The following CDKAL1 variants were observed in gnomAD, a reference collection of about 807,000 sequenced individuals.
The protein encoded by CDKAL1 is CDKAL1 threonylcarbamoyladenosine tRNA methylthiotransferase.
A neutral mutation model predicts 68.2 loss-of-function variants in CDKAL1; 32 were observed. The observed-to-expected ratio is 0.47, with a 90% CI of 0.35 to 0.63. The LOEUF is 0.63. CDKAL1 is among the 30% of genes least tolerant of loss of function. CDKAL1 has a pLI of 0.00. For synonymous variants in CDKAL1, 234 were observed against 244.3 expected (o/e 0.96, Z 0.39); for missense variants, 606 against 696.7 (o/e 0.87, Z 1.47).
At position 20,786,494 on chromosome 6, in the gene CDKAL1, C is replaced by CTT. The variant is rs1197574844; in HGVS notation, c.638+5249_638+5250dup. 6.4e-3 allele frequency among the ~76,000 whole-genome samples: 520 copies of CTT among 80,778 alleles called. 15 individuals carry two copies. Among genetic ancestry groups the CTT allele is most frequent in the Middle Eastern group, 0.01 (1 of 98 alleles). The allele number at this position is 80,778 out of a possible 152,430, so 53.0% of individuals were successfully genotyped here. A position where few individuals can be genotyped will look rare whatever the true frequency, so the allele number is the denominator to read the frequency against. On this transcript the variant is annotated intron_variant, in intron 8 of 15. Transcript: ENST00000274695. Reference sequence around the variant, plus strand: ...GTGTGACTCCCTTATTTTTTCTTATCTTTTTTTTTTTTTTTTTTTTTGAGA... The same window carrying CTT: ...GTGTGACTCCCTTATTTTTTCTTATCTTTTTTTTTTTTTTTTTTTTTTTGAGA...
intron 12 of CDKAL1, among the ~76,000 whole-genome samples, chr6:21,073,837 TTTATTTTGTTTA>T (rs150286482): frequency 0.045 from 6,818 of 152,218 alleles, 193 homozygotes; most frequent in South Asian, 0.11. Flanking sequence ...TTTTTGTTTA[TTTATTTTGTTTA>T]TTATTTTGTT....
At chr6:20,938,812 T>A (rs1342600293) in intron 9 of CDKAL1, among the ~76,000 whole-genome samples, 1 of 152,188 alleles carries the variant, frequency 6.6e-6, no homozygotes, top group Non-Finnish European at 1.5e-5. Flanking sequence ...GATTGTGTAC[T>A]TTCTACTCCA....
At chr6:21,125,999 A>T (rs572782678) in intron 13 of CDKAL1, among the ~76,000 whole-genome samples, 2 of 152,348 alleles carry the variant, frequency 1.3e-5, no homozygotes, top group South Asian at 2.1e-4. Flanking sequence ...CACATAACAG[A>T]TGTTCAATCA....
intron 9 of CDKAL1, among the ~76,000 whole-genome samples, chr6:20,883,113 C>T (rs1760904602): frequency 6.6e-6 from 1 of 152,064 alleles, no homozygotes. Flanking sequence ...ACTTTAAGTA[C>T]TGCTATGAGT....
At chr6:21,086,831 A>G (rs754645596) in intron 12 of CDKAL1, among the ~76,000 whole-genome samples, 5 of 152,228 alleles carry the variant, frequency 3.3e-5, no homozygotes, top group Admixed American at 1.3e-4. Context: ...AGAAAAACAG[A>G]ATGAAAACTT....
At chr6:20,672,509 G>A (rs1289143373) in intron 5 of CDKAL1, among the ~76,000 whole-genome samples, 1 of 150,174 alleles carries the variant, frequency 6.7e-6, no homozygotes, top group Non-Finnish European at 1.5e-5. Flanking sequence ...TAGCCACCAT[G>A]CCTGGCTAAT....
At chr6:21,043,901 C>T (rs1385212701) in intron 11 of CDKAL1, among the ~76,000 whole-genome samples, 1 of 152,072 alleles carries the variant, frequency 6.6e-6, no homozygotes, top group African/African-American at 2.4e-5. Context: ...GTTTTGCCAC[C>T]CCAGTTTTCT....
At chr6:20,638,381 T>C (rs2127748561) in intron 4 of CDKAL1, among the ~76,000 whole-genome samples, 1 of 152,340 alleles carries the variant, frequency 6.6e-6, no homozygotes, top group Non-Finnish European at 1.5e-5. Flanking sequence ...TGCCCGTTTT[T>C]TTCTATTAGC....
At chr6:21,018,165 C>A (rs997654032) in intron 11 of CDKAL1, among the ~76,000 whole-genome samples, 1 of 152,128 alleles carries the variant, frequency 6.6e-6, no homozygotes, top group African/African-American at 2.4e-5. Flanking sequence ...TTTACACCTT[C>A]CTCAAAACAA....
rs1416265291 is a variant in CDKAL1 at position 21,198,174 on chromosome 6, G to C, written c.1383+70G>C. ...AGAGTTCTGAAAGTTTAAGCAAAGG[G>C]CATTTAAAGGGGAGAGTGTTGAATC... On this transcript the variant is annotated intron_variant, in intron 14 of 15. Transcript: ENST00000274695. 3.0e-5 allele frequency: 30 copies of C among 996,130 alleles called. No individual in the cohort carries two copies. In the South Asian group the frequency reaches 3.4e-4, roughly 11 times the overall value. 61.7% of individuals were successfully genotyped at this position (996,130 alleles called of 1,614,324 possible). A position where few individuals can be genotyped will look rare whatever the true frequency, so the allele number is the denominator to read the frequency against.
At chr6:20,704,003 C>T (rs1007213035) in intron 5 of CDKAL1, among the ~76,000 whole-genome samples, 21 of 152,148 alleles carry the variant, frequency 1.4e-4, no homozygotes, top group African/African-American at 4.6e-4. Flanking sequence ...GTTTTGAGAG[C>T]ATTTGAAAAG....
At chr6:20,748,718 T>C (rs1357934009) in intron 6 of CDKAL1, among the ~76,000 whole-genome samples, 4 of 151,370 alleles carry the variant, frequency 2.6e-5, no homozygotes, top group African/African-American at 7.3e-5. Context: ...CTGAAGTTTT[T>C]TCAACAAGCC....
At chr6:20,599,827 G>T (rs1028187185) in intron 4 of CDKAL1, among the ~76,000 whole-genome samples, 2 of 152,106 alleles carry the variant, frequency 1.3e-5, no homozygotes, top group African/African-American at 4.8e-5. Flanking sequence ...AACTCCTTGG[G>T]TAGCATGTGT....
At position 20,868,056 on chromosome 6, in the gene CDKAL1, TAATAAACA is replaced by T. The variant is rs1367341731; in HGVS notation, c.742+21882_742+21889del. ...TTTTGAGCTACGTGTTACTTCTGTATAATAAACAAATCTTATATTGCGGTTTAATTAGT... is the reference window on the plus strand; with the variant it reads ...TTTTGAGCTACGTGTTACTTCTGTATAATCTTATATTGCGGTTTAATTAGT... On this transcript the variant is annotated intron_variant, in intron 9 of 15. Transcript: ENST00000274695. 9.4e-5 allele frequency among the ~76,000 whole-genome samples: 5 copies of T among 53,248 alleles called. No homozygotes were observed. In the South Asian group the frequency reaches 1.7e-3, roughly 18 times the overall value. 34.9% of individuals were successfully genotyped at this position (53,248 alleles called of 152,430 possible). A position where few individuals can be genotyped will look rare whatever the true frequency, so the allele number is the denominator to read the frequency against.
chr6:21,140,427 C>T (rs1253477470), intron 13 of CDKAL1, among the ~76,000 whole-genome samples: 2 of 152,196 alleles, frequency 1.3e-5, no homozygotes, highest in East Asian at 1.9e-4. Flanking sequence ...GCCTGATGTC[C>T]TCCCCACCTG....
At chr6:21,108,515 A>G in intron 13 of CDKAL1, 52 bp downstream of exon 13, 1 of 1,176,658 alleles carries the variant, frequency 8.5e-7, no homozygotes, top group African/African-American at 1.6e-5. Flanking sequence ...TTCCGAATGT[A>G]TAGTACAATT....
At chr6:20,975,667 C>T (rs573182556) in intron 10 of CDKAL1, among the ~76,000 whole-genome samples, 37 of 152,208 alleles carry the variant, frequency 2.4e-4, no homozygotes, top group Admixed American at 5.2e-4. Context: ...ACTGATTCTA[C>T]AGATATTCAA....
At chr6:20,999,815 T>C (rs1767336637) in intron 10 of CDKAL1, among the ~76,000 whole-genome samples, 2 of 152,122 alleles carry the variant, frequency 1.3e-5, no homozygotes, top group Admixed American at 6.5e-5. Context: ...TGTATTCCAG[T>C]ATAGGGGATT....
chr6:21,071,171 G>C (rs1412875758), intron 12 of CDKAL1, among the ~76,000 whole-genome samples: 1 of 151,978 alleles, frequency 6.6e-6, no homozygotes, highest in East Asian at 1.9e-4. Flanking sequence ...GTTTGGCTTT[G>C]TGTCCTCACC....
Sources: allele counts gnomAD v4.1 joint callset (sites outside exome capture counted in the v4.1 genomes callset), GRCh38; gene constraint gnomAD v4.1.1; transcripts MANE v1.5; gene names NCBI Gene and HGNC (gene_info 2026-07-23, HGNC 2026-07-21).